The following PCDHA6 variants were observed in gnomAD, a reference collection of about 807,000 sequenced individuals.
PCDHA6 encodes the protein protocadherin alpha-6.
PCDHA6 carries 55 observed loss-of-function variants against 60.3 expected under a neutral mutation model. The ratio of observed to expected loss-of-function variants is 0.91; its 90% CI spans 0.73 to 1.14. The LOEUF (loss-of-function observed/expected upper bound fraction) is 1.14. PCDHA6 is among the 50% of genes most tolerant of loss of function. The pLI is 0.00. For synonymous variants in PCDHA6, 652 were observed against 557.9 expected (o/e 1.17, Z -2.38); for missense variants, 1,327 against 1,256.5 (o/e 1.06, Z -0.85).
chr5:140,998,690 A>G (rs1310258939), intron 3 of PCDHA6, among the ~76,000 whole-genome samples: 1 of 151,696 alleles, frequency 6.6e-6, no homozygotes, highest in Non-Finnish European at 1.5e-5. Flanking sequence ...TCAGCCTCCC[A>G]AGTAGCTGGG....
chr5:140,882,209 A>T, intron 1 of PCDHA6: 1 of 1,531,724 alleles, frequency 6.5e-7, no homozygotes, highest in Non-Finnish European at 8.8e-7. Context: ...GCCTTGAGAG[A>T]CAGTTTGAGG....
intron 3 of PCDHA6, among the ~76,000 whole-genome samples, chr5:140,984,162 C>A (rs2097089666): frequency 6.6e-6 from 1 of 152,150 alleles, no homozygotes; most frequent in Non-Finnish European, 1.5e-5. Context: ...GAGAACTTCC[C>A]AAAGAAGCCA....
At chr5:140,868,909 T>C (rs2050732260) in intron 1 of PCDHA6, 3 of 886,670 alleles carry the variant, frequency 3.4e-6, no homozygotes, top group Non-Finnish European at 5.0e-6. Context: ...CGCTCTTTAC[T>C]TGGTGGAAAG....
At chr5:140,882,127 C>G in intron 1 of PCDHA6, 2 of 1,464,686 alleles carry the variant, frequency 1.4e-6, no homozygotes. Flanking sequence ...TTTCTTTCTT[C>G]CTGCAGAAAA....
chr5:141,009,303 T>A (rs1040786824), intron 3 of PCDHA6, among the ~76,000 whole-genome samples: 16 of 152,050 alleles, frequency 1.1e-4, no homozygotes, highest in East Asian at 1.9e-4. Flanking sequence ...AAATTTTTTT[T>A]AAAAAGCTAG....
At chr5:140,921,473 C>T (rs2080232887) in intron 1 of PCDHA6, among the ~76,000 whole-genome samples, 1 of 152,186 alleles carries the variant, frequency 6.6e-6, no homozygotes, top group African/African-American at 2.4e-5. Flanking sequence ...CACTACCAAA[C>T]CACTCTACCT....
At chr5:140,834,962 A>G (rs1773396463) in intron 1 of PCDHA6, 1 of 1,519,622 alleles carries the variant, frequency 6.6e-7, no homozygotes, top group East Asian at 2.4e-5. Context: ...AACCTCTTGG[A>G]CTTGTATTAC....
chr5:140,859,677 A>G (rs942745951), intron 1 of PCDHA6: 1 of 154,782 alleles, frequency 6.5e-6, no homozygotes, highest in South Asian at 2.0e-4. Context: ...GCTTCAAATA[A>G]AATTAAAATT....
At position 141,010,020 on chromosome 5, in the gene PCDHA6, TTCCTA is replaced by T. The variant is rs1554262638; in HGVS notation, c.*86_*90del. 6.4e-7 allele frequency: 1 copy of T among 1,572,330 alleles called. No individual in the cohort carries two copies. Among genetic ancestry groups the T allele is most frequent in the Non-Finnish European group, 8.6e-7 (1 of 1,163,268 alleles). On this transcript the variant is annotated 3_prime_UTR_variant, in exon 4 of 4. Coordinates refer to ENST00000529310, the MANE Select transcript of PCDHA6 (RefSeq NM_018909.4). ...CCATGTAGCAATTCCCTGCTCCTTT[TTCCTA>T]TCTACATGAGCCCTCTTAGAGACCT...
chr5:140,907,733 A>C (rs2073566986), intron 1 of PCDHA6, among the ~76,000 whole-genome samples: 1 of 152,162 alleles, frequency 6.6e-6, no homozygotes, highest in Non-Finnish European at 1.5e-5. Context: ...CATCCCTGCC[A>C]CCATGGCCAC....
rs943373745 is a variant in PCDHA6 at position 140,935,260 on chromosome 5, G to A, written c.2395-43689G>A. Among the ~76,000 whole-genome samples the A allele has an allele frequency of 3.3e-5, 5 of 152,168 alleles. No individual in the cohort carries two copies. In the South Asian group the frequency reaches 8.3e-4, roughly 25 times the overall value. On this transcript the variant is annotated intron_variant, in intron 1 of 3. Transcript: ENST00000529310. ...TTTTAAAAGATAAAATACATCACAT[G>A]TTTATACTAATCTAATAAAGTTCAG... is the stretch of plus-strand genomic sequence containing the variant.
In PCDHA6 at chr5:140,849,670, A is replaced by G. The variant is rs2150444272; in HGVS notation, c.2394+19185A>G. On this transcript the variant is annotated intron_variant, in intron 1 of 3. Coordinates refer to ENST00000529310, the MANE Select transcript of PCDHA6 (RefSeq NM_018909.4). The stretch of plus-strand genomic sequence containing the variant: ...CAGGTTACCTGCTCCCTGACGCCCC[A>G]CGTCCCCTTCAAGCTGGTGTCCACC... The G allele has an allele frequency of 1.7e-5, 27 of 1,598,602 alleles. 2 individuals carry two copies. The highest frequency in any genetic ancestry group is 9.9e-5 in the South Asian group (9 of 90,546).
intron 1 of PCDHA6, chr5:140,876,450 G>T (rs2153340874): frequency 6.2e-7 from 1 of 1,614,012 alleles, no homozygotes; most frequent in Non-Finnish European, 8.5e-7. Context: ...TTGATAAAGG[G>T]ATTCCTTCCA....
At chr5:140,964,629 T>C (rs1315614801) in intron 1 of PCDHA6, among the ~76,000 whole-genome samples, 1 of 152,028 alleles carries the variant, frequency 6.6e-6, no homozygotes, top group Non-Finnish European at 1.5e-5. Context: ...TTATAAGCCA[T>C]TTATTTTCAG....
chr5:140,985,163 T>G (rs1045171380), intron 3 of PCDHA6, among the ~76,000 whole-genome samples: 7 of 152,096 alleles, frequency 4.6e-5, no homozygotes, highest in South Asian at 2.1e-4. Flanking sequence ...TGTCTCAATC[T>G]CCTGACCTCG....
intron 1 of PCDHA6, among the ~76,000 whole-genome samples, chr5:140,941,281 C>G (rs12652617): frequency 1.4e-5 from 1 of 69,002 alleles, no homozygotes. Flanking sequence ...TTCCTTCCTT[C>G]CTTTCTCTTT....
chr5:140,882,717 C>G (rs1311295002), intron 1 of PCDHA6: 1 of 1,614,102 alleles, frequency 6.2e-7, no homozygotes, highest in South Asian at 1.1e-5. Flanking sequence ...CCTCCGGAAA[C>G]TCGATTTCCA....
chr5:140,967,520 G>A, intron 1 of PCDHA6: 1 of 1,612,918 alleles, frequency 6.2e-7, no homozygotes, highest in East Asian at 2.2e-5. Context: ...GGACACTAAC[G>A]ACAACTCTCC....
chr5:140,836,129 G>A (rs2150253536), intron 1 of PCDHA6: 3 of 1,613,716 alleles, frequency 1.9e-6, no homozygotes, highest in Non-Finnish European at 2.5e-6. Flanking sequence ...AGCTTGTGCC[G>A]CGGTCTGTGG....
Sources: gnomAD v4.1 joint callset for allele counts (sites outside exome capture counted in the v4.1 genomes callset) on GRCh38, gnomAD v4.1.1 for gene constraint, MANE v1.5 for transcripts, NCBI Gene and HGNC (gene_info 2026-07-23, HGNC 2026-07-21) for gene names.